LRRC36: variants seen among roughly 807,000 people sequenced by gnomAD.
LRRC36 encodes leucine-rich repeat-containing protein 36.
Under a neutral mutation model 81.1 loss-of-function variants are expected in LRRC36, and 62 were observed. The observed-to-expected ratio is 0.76, with a 90% CI of 0.62 to 0.94. The LOEUF is 0.94. Ranked by LOEUF, LRRC36 falls within the 40% of genes least tolerant of loss-of-function variation. LRRC36 has a pLI of 0.00. For synonymous variants in LRRC36, 334 were observed against 348.6 expected (o/e 0.96, Z 0.47); for missense variants, 761 against 881.7 (o/e 0.86, Z 1.73).
At chr16:67,350,906 C>T (rs1339907075) in intron 5 of LRRC36, among the ~76,000 whole-genome samples, 7 of 152,052 alleles carry the variant, frequency 4.6e-5, no homozygotes, top group African/African-American at 9.7e-5. Flanking sequence ...GGCTTGGTGG[C>T]GCATGCCTGT....
At chr16:67,327,666 G>C (rs2037259455) in intron 1 of LRRC36, among the ~76,000 whole-genome samples, 1 of 152,158 alleles carries the variant, frequency 6.6e-6, no homozygotes, top group Non-Finnish European at 1.5e-5. Flanking sequence ...AGCTACGGGA[G>C]TGGATGAACT....
intron 5 of LRRC36, among the ~76,000 whole-genome samples, chr16:67,353,469 C>T (rs1016366327): frequency 6.6e-6 from 1 of 151,906 alleles, no homozygotes; most frequent in African/African-American, 2.4e-5. Flanking sequence ...TCACTGCAAC[C>T]TTTGCCTCCC....
intron 5 of LRRC36, 120 bp downstream of exon 5, chr16:67,350,410 G>A (rs1217549067): frequency 3.6e-6 from 3 of 823,786 alleles, no homozygotes; most frequent in South Asian, 1.6e-5. Flanking sequence ...AGCAAGCACA[G>A]GTTTACTGGC....
chr16:67,384,799 A>G (rs2040234215), intron 13 of LRRC36, 71 bp from the exon 14 acceptor site: 1 of 1,096,006 alleles, frequency 9.1e-7, no homozygotes, highest in Admixed American at 2.0e-5. Context: ...CCTTTGGGAG[A>G]CATTTTGGGT....
chr16:67,330,101 A>G (rs2037412960), intron 1 of LRRC36, among the ~76,000 whole-genome samples: 1 of 151,998 alleles, frequency 6.6e-6, no homozygotes, highest in Non-Finnish European at 1.5e-5. Context: ...CATTCCTAAG[A>G]TGTTAAACAT....
chr16:67,348,165 T>C (rs2038443109), intron 4 of LRRC36, among the ~76,000 whole-genome samples: 1 of 152,220 alleles, frequency 6.6e-6, no homozygotes, highest in African/African-American at 2.4e-5. Flanking sequence ...TTTTTAAAAA[T>C]AGATAGCAGT....
intron 5 of LRRC36, among the ~76,000 whole-genome samples, chr16:67,362,577 G>A (rs145477379): frequency 4.9e-4 from 75 of 152,240 alleles, no homozygotes; most frequent in African/African-American, 1.6e-3. Context: ...TTTATAAATA[G>A]CAGGGGATGA....
At position 67,378,610 on chromosome 16, in the gene LRRC36, G is replaced by C. The variant is rs750526016; in HGVS notation, c.1828G>C (p.Val610Leu). 62 of 1,613,988 alleles carry C rather than the reference G, an allele frequency of 3.8e-5. No homozygotes were observed. Among genetic ancestry groups the C allele is most frequent in the Middle Eastern group, 3.3e-4 (2 of 6,062 alleles). The change falls in exon 12 of 14, where the codon GTC (valine) becomes CTC (leucine). Residue 610 changes from valine (V) to leucine (L), a missense_variant. Val to Leu is a conservative substitution (Grantham distance 32, BLOSUM62 1). Coordinates refer to ENST00000329956, the MANE Select transcript of LRRC36 (RefSeq NM_018296.6). Reference sequence around the variant, plus strand: ...AAAGGAAAGTTTGAAGCAAAAACTGGTCAGAGTGCTGGAGGAAAACCTCAT... The same window carrying C: ...AAAGGAAAGTTTGAAGCAAAAACTGCTCAGAGTGCTGGAGGAAAACCTCAT... ...NDMESLKQKL[V>L]RVLEENLILS...
intron 1 of LRRC36, among the ~76,000 whole-genome samples, chr16:67,333,876 A>G (rs750717282): frequency 6.6e-6 from 1 of 152,202 alleles, no homozygotes; most frequent in South Asian, 2.1e-4. Context: ...CTTAATTTTA[A>G]TATCTTGCAT....
chr16:67,331,576 T>C (rs1277795667), intron 1 of LRRC36, among the ~76,000 whole-genome samples: 3 of 152,202 alleles, frequency 2.0e-5, no homozygotes, highest in Admixed American at 6.5e-5. Flanking sequence ...GTTCAAACCA[T>C]AGCAATATAT....
chr16:67,340,209 T>C (rs775745819), intron 1 of LRRC36, among the ~76,000 whole-genome samples: 2 of 152,164 alleles, frequency 1.3e-5, no homozygotes, highest in African/African-American at 2.4e-5. Context: ...CAACTTAAGA[T>C]CTTATTTCAA....
rs2040139363 is a variant in LRRC36, at chr16:67,382,248, G to A, written c.2045+1G>A. 1.9e-6 allele frequency: 3 copies of A among 1,604,482 alleles called. No individual in the cohort carries two copies. The highest frequency in any genetic ancestry group is 2.6e-6 in the Non-Finnish European group (3 of 1,171,560). ...TTGCCATTCTCCATGAAAGTCAGAG[G>A]TAGGAGAGGGTCTATCTAGCTTGCT... On this transcript the variant is annotated splice_donor_variant, in intron 13 of 13. Coordinates refer to ENST00000329956, the MANE Select transcript of LRRC36 (RefSeq NM_018296.6). LOFTEE classifies it high-confidence loss of function.
chr16:67,363,483 C>T, intron 5 of LRRC36, 107 bp from the exon 6 acceptor site: 6 of 1,099,892 alleles, frequency 5.5e-6, no homozygotes, highest in Non-Finnish European at 3.9e-6. Context: ...GGCACCAGAA[C>T]TAGCACTCAA....
intron 5 of LRRC36, among the ~76,000 whole-genome samples, chr16:67,350,660 G>A (rs1355020847): frequency 6.6e-6 from 1 of 152,216 alleles, no homozygotes; most frequent in Admixed American, 6.5e-5. Context: ...CTTTGCAGCT[G>A]TAGAATCTCT....
At position 67,342,919 on chromosome 16, in the gene LRRC36, A is replaced by G. The variant is rs543394710; in HGVS notation, c.198+835A>G. 3.0e-4 allele frequency among the ~76,000 whole-genome samples: 45 copies of G among 152,270 alleles called. No individual in the cohort carries two copies. The South Asian group carries it at 8.1e-3, about 27-fold the overall frequency. ...AACAACACATCCAGACCCAATCCCA[A>G]GGTTTAGCTAAGGGCCTAAAAGATC... On this transcript the variant is annotated intron_variant, in intron 2 of 13. Coordinates refer to ENST00000329956, the MANE Select transcript of LRRC36 (RefSeq NM_018296.6).
intron 5 of LRRC36, among the ~76,000 whole-genome samples, chr16:67,356,719 G>A (rs2142062122): frequency 6.6e-6 from 1 of 152,320 alleles, no homozygotes; most frequent in African/African-American, 2.4e-5. Context: ...AGGGATGGAG[G>A]AGAGGCGGTT....
chr16:67,327,003 AAGGCGGGGAACCTGAGATAG>A, intron 1 of LRRC36, 71 bp downstream of exon 1: 1 of 1,355,402 alleles, frequency 7.4e-7, no homozygotes, highest in Non-Finnish European at 9.6e-7. Flanking sequence ...ACTGAAGTGG[AAGGCGGGGAACCTGAGATAG>A]AGGCGAGGGA....
intron 2 of LRRC36, 90 bp from the exon 3 acceptor site, chr16:67,346,166 G>C (rs2038337169): frequency 1.1e-6 from 1 of 871,506 alleles, no homozygotes; most frequent in Non-Finnish European, 1.7e-6. Flanking sequence ...CATGTTTAAG[G>C]ACGGAAAGTA....
Position 67,346,460 on chromosome 16 carries a change from C to T in LRRC36, c.391+12C>T, listed in dbSNP as rs767790523. 26 of 1,536,440 alleles carry T rather than the reference C, an allele frequency of 1.7e-5. No individual in the cohort carries two copies. The highest frequency in any genetic ancestry group is 2.3e-5 in the Non-Finnish European group (26 of 1,125,876). Reference sequence around the variant, plus strand: ...TCTGGAGAAATTAGGTAAGACCTTCCTTCTCTGTTCCTGTCCACAGAATCT... The same window carrying T: ...TCTGGAGAAATTAGGTAAGACCTTCTTTCTCTGTTCCTGTCCACAGAATCT... On this transcript the variant is annotated intron_variant, in intron 3 of 13. Coordinates refer to ENST00000329956, the MANE Select transcript of LRRC36 (RefSeq NM_018296.6).
Sources: allele counts gnomAD v4.1 joint callset (sites outside exome capture counted in the v4.1 genomes callset), GRCh38; gene constraint gnomAD v4.1.1; transcripts MANE v1.5; gene names NCBI Gene and HGNC (gene_info 2026-07-23, HGNC 2026-07-21).